Variants in HGF observed in about 807,000 individuals in gnomAD.
HGF encodes fibroblast-derived tumor cytotoxic factor.
In HGF, 39 loss-of-function variants were observed where a neutral mutation model predicts 111.6. That is an observed-to-expected ratio of 0.35 (90% confidence interval 0.27 to 0.46). HGF has a LOEUF of 0.46. Among genes scored for constraint, HGF ranks in the 20% least tolerant of loss-of-function variants. HGF has a pLI of 1.00. For missense variants in HGF, 735 were observed against 910.5 expected (o/e 0.81, Z 2.48); for synonymous variants, 285 against 294.8 (o/e 0.97, Z 0.34).
chr7:81,752,035 T>G, intron 5 of HGF, 85 bp downstream of exon 5: 21 of 1,578,858 alleles, frequency 1.3e-5, no homozygotes, highest in Non-Finnish European at 1.8e-5. Flanking sequence ...TTATGATTGA[T>G]TCGTTGCTGT....
rs778427982 is a variant in HGF, at chr7:81,710,261, A to G, written c.1445-18T>C. 34 of 1,551,698 alleles carry G rather than the reference A, an allele frequency of 2.2e-5. No homozygotes were observed. The highest frequency in any genetic ancestry group is 2.8e-5 in the Non-Finnish European group (31 of 1,123,352). On this transcript the variant is annotated intron_variant, in intron 12 of 17. Coordinates refer to ENST00000222390, the MANE Select transcript of HGF (RefSeq NM_000601.6). ...TACGGGATCTGAAACAGGACCAAAC[A>G]TAACATTTTTTAAAATAAGAATTTG...
At chr7:81,758,280 A>G (rs1192957105) in intron 3 of HGF, among the ~76,000 whole-genome samples, 1 of 151,988 alleles carries the variant, frequency 6.6e-6, no homozygotes, top group Non-Finnish European at 1.5e-5. Context: ...ATCAGTAATC[A>G]TCACTATAAT....
intron 5 of HGF, 82 bp downstream of exon 5, chr7:81,752,038 G>A (rs755438611): frequency 2.2e-5 from 34 of 1,577,502 alleles, no homozygotes; most frequent in East Asian, 9.1e-5. Flanking sequence ...TGATTGATTC[G>A]TTGCTGTTAA....
Position 81,752,031 on chromosome 7 carries a change from T to C in HGF, c.625+89A>G, listed in dbSNP as rs1049377220. Reference sequence around the variant, plus strand: ...TGCACGAACAACATATTTGTTATGATTGATTCGTTGCTGTTAACCTTTAAT... The same window carrying C: ...TGCACGAACAACATATTTGTTATGACTGATTCGTTGCTGTTAACCTTTAAT... On this transcript the variant is annotated intron_variant, in intron 5 of 17. Coordinates refer to ENST00000222390, the MANE Select transcript of HGF (RefSeq NM_000601.6). 5 of 1,574,906 alleles carry C rather than the reference T, an allele frequency of 3.2e-6. No individual in the cohort carries two copies. In the Admixed American group the frequency reaches 5.4e-5, roughly 17 times the overall value.
At chr7:81,760,802 G>T (rs1001054917) in intron 2 of HGF, among the ~76,000 whole-genome samples, 22 of 151,122 alleles carry the variant, frequency 1.5e-4, no homozygotes, top group African/African-American at 5.4e-4. Context: ...TTCTGCACAG[G>T]TTGCCATAAA....
chr7:81,751,830 A>C, intron 5 of HGF: 2 of 1,219,484 alleles, frequency 1.6e-6, no homozygotes, highest in Non-Finnish European at 2.1e-6. Flanking sequence ...GAGGTATGTG[A>C]GCTCAAGACA....
At chr7:81,759,055 GT>G (rs1490340976) in intron 2 of HGF, among the ~76,000 whole-genome samples, 1 of 152,154 alleles carries the variant, frequency 6.6e-6, no homozygotes, top group Non-Finnish European at 1.5e-5. Context: ...ATATTCTCAT[GT>G]TATTCCAAAA....
Position 81,699,244 on chromosome 7 carries a change from T to G in HGF, c.*3337A>C, listed in dbSNP as rs1003806980. On this transcript the variant is annotated 3_prime_UTR_variant, in exon 18 of 18. Coordinates refer to ENST00000222390, the MANE Select transcript of HGF (RefSeq NM_000601.6). ...CAGTTTCCTAAAGACAGAAACTTTCTGTGCAAATGGAAATGAACCTACTTA... is the reference window on the plus strand; with the variant it reads ...CAGTTTCCTAAAGACAGAAACTTTCGGTGCAAATGGAAATGAACCTACTTA... The G allele has an allele frequency of 3.3e-5, 5 of 151,716 alleles. No homozygotes were observed. In the East Asian group the frequency reaches 9.7e-4, roughly 29 times the overall value. 9.4% of individuals were successfully genotyped at this position (151,716 alleles called of 1,614,324 possible).
chr7:81,705,613 TA>T (rs1170367103), intron 16 of HGF, 33 bp downstream of exon 16: 5 of 1,594,972 alleles, frequency 3.1e-6, no homozygotes, highest in Non-Finnish European at 3.4e-6. Context: ...TAAAATAAAA[TA>T]AATATGGCCT....
chr7:81,707,045 T>C (rs1352410040), intron 14 of HGF, among the ~76,000 whole-genome samples: 2 of 151,922 alleles, frequency 1.3e-5, no homozygotes, highest in Non-Finnish European at 2.9e-5. Context: ...ATTTACATAA[T>C]TCTAGCAAAA....
chr7:81,752,335 G>A (rs1366408106), intron 4 of HGF, 73 bp from the exon 5 acceptor site: 3 of 1,254,028 alleles, frequency 2.4e-6, no homozygotes, highest in African/African-American at 1.5e-5. Context: ...TTACTAATTA[G>A]TGGGTATGTT....
At chr7:81,769,307 C>T (rs921349952) in intron 1 of HGF, among the ~76,000 whole-genome samples, 10 of 152,126 alleles carry the variant, frequency 6.6e-5, no homozygotes, top group African/African-American at 1.7e-4. Flanking sequence ...GGCAGGCATC[C>T]GTACCCAGAA....
At chr7:81,762,556 G>A (rs962319506) in intron 2 of HGF, 151 bp downstream of exon 2, 1 of 682,188 alleles carries the variant, frequency 1.5e-6, no homozygotes, top group South Asian at 1.7e-5. Context: ...TAAACTGAGA[G>A]CTAAGTCTTC....
At position 81,757,155 on chromosome 7, in the gene HGF, G is replaced by A. The variant is rs763133780; in HGVS notation, c.482+34C>T. The A allele has an allele frequency of 6.8e-6, 7 of 1,031,346 alleles. No individual in the cohort carries two copies. In the East Asian group the frequency reaches 1.7e-4, roughly 24 times the overall value. The allele number at this position is 1,031,346 out of a possible 1,614,324, so 63.9% of individuals were successfully genotyped here. ...AGACTGTTAACATGTAAAAAAGACA[G>A]AGGCTTCATCTCTTTTCTTCATACT... is the stretch of plus-strand genomic sequence containing the variant. On this transcript the variant is annotated intron_variant, in intron 4 of 17. Transcript: ENST00000222390.
intron 5 of HGF, chr7:81,751,907 CT>C: frequency 7.2e-7 from 1 of 1,386,202 alleles, no homozygotes; most frequent in Non-Finnish European, 9.3e-7. Flanking sequence ...GAAATTCAAA[CT>C]GATAACTCGC....
intron 7 of HGF, chr7:81,736,724 A>G (rs368005607): frequency 2.1e-6 from 1 of 478,368 alleles, no homozygotes; most frequent in Non-Finnish European, 4.2e-6. Flanking sequence ...CAAAGGAAGA[A>G]AATCATTGTG....
intron 5 of HGF, among the ~76,000 whole-genome samples, chr7:81,748,100 A>C (rs1473309396): frequency 6.6e-6 from 1 of 152,126 alleles, no homozygotes; most frequent in East Asian, 1.9e-4. Context: ...TCTGACCCAT[A>C]GTCTTAGTAT....
At chr7:81,714,926 A>G (rs1490416830) in intron 11 of HGF, among the ~76,000 whole-genome samples, 2 of 152,274 alleles carry the variant, frequency 1.3e-5, no homozygotes, top group African/African-American at 4.8e-5. Context: ...TTTGTGGTAT[A>G]CATTGAAATA....
intron 5 of HGF, 53 bp downstream of exon 5, chr7:81,752,067 G>C (rs539421564): frequency 1.9e-5 from 30 of 1,611,098 alleles, no homozygotes; most frequent in Non-Finnish European, 2.3e-5. Flanking sequence ...GTGAGTTACA[G>C]TTCTACACAT....
Sources: gnomAD v4.1 joint callset for allele counts (sites outside exome capture counted in the v4.1 genomes callset) on GRCh38, gnomAD v4.1.1 for gene constraint, MANE v1.5 for transcripts, NCBI Gene and HGNC (gene_info 2026-07-23, HGNC 2026-07-21) for gene names.